Variants in GPBP1 observed in about 807,000 individuals in gnomAD.
The protein encoded by GPBP1 is vasculin.
GPBP1 carries 13 observed loss-of-function variants against 56.5 expected under a neutral mutation model. The ratio of observed to expected loss-of-function variants is 0.23; its 90% CI spans 0.15 to 0.37. The LOEUF is 0.37. Ranked by LOEUF, GPBP1 falls within the 10% of genes least tolerant of loss-of-function variation. GPBP1 has a pLI of 1.00. For missense variants in GPBP1, 477 were observed against 572.3 expected (o/e 0.83, Z 1.70); for synonymous variants, 204 against 188.9 (o/e 1.08, Z -0.66).
At chr5:57,204,385 G>A (rs1268218913) in intron 2 of GPBP1, among the ~76,000 whole-genome samples, 1 of 151,928 alleles carries the variant, frequency 6.6e-6, no homozygotes, top group African/African-American at 2.4e-5. Context: ...GAGTAGCTGG[G>A]ACAACAGGCC....
chr5:57,261,401 C>T, intron 11 of GPBP1, 119 bp downstream of exon 11: 1 of 597,862 alleles, frequency 1.7e-6, no homozygotes, highest in Non-Finnish European at 3.0e-6. Flanking sequence ...GTCAGAATTG[C>T]TTTTAAAAAA....
In GPBP1 at chr5:57,179,383, C is replaced by T. The variant is rs140586372; in HGVS notation, c.-58+2983C>T. On this transcript the variant is annotated intron_variant, in intron 2 of 11. Coordinates refer to ENST00000506184, the MANE Select transcript of GPBP1 (RefSeq NM_022913.4). Reference sequence around the variant, plus strand: ...TGTGTGTTTGAGACAGGGTCTCGCTCTCTCACCCAGATTGGAGTGTAATGG... The same window carrying T: ...TGTGTGTTTGAGACAGGGTCTCGCTTTCTCACCCAGATTGGAGTGTAATGG... 7.2e-5 allele frequency among the ~76,000 whole-genome samples: 11 copies of T among 152,148 alleles called. No homozygotes were observed. The East Asian group carries it at 1.4e-3, about 19-fold the overall frequency.
At chr5:57,185,217 C>A (rs1754230518) in intron 2 of GPBP1, among the ~76,000 whole-genome samples, 1 of 151,612 alleles carries the variant, frequency 6.6e-6, no homozygotes, top group South Asian at 2.1e-4. Flanking sequence ...TATCACCAGC[C>A]CTCTTTAAAA....
intron 2 of GPBP1, among the ~76,000 whole-genome samples, chr5:57,177,488 T>G (rs528086550): frequency 6.6e-6 from 1 of 152,170 alleles, no homozygotes; most frequent in South Asian, 2.1e-4. Flanking sequence ...CTAATTTTTA[T>G]TTGAGACCGA....
At chr5:57,214,326 C>T (rs1207385315) in intron 3 of GPBP1, 133 bp downstream of exon 3, 4 of 751,470 alleles carry the variant, frequency 5.3e-6, no homozygotes, top group African/African-American at 3.4e-5. Flanking sequence ...TGGCTCACCC[C>T]TGTAATCTCA....
At chr5:57,232,232 C>T (rs900336837) in intron 5 of GPBP1, among the ~76,000 whole-genome samples, 1 of 152,136 alleles carries the variant, frequency 6.6e-6, no homozygotes, top group Non-Finnish European at 1.5e-5. Context: ...AAGCAATCCT[C>T]CGACCTCGGC....
chr5:57,242,306 T>C (rs1035682173), intron 6 of GPBP1, among the ~76,000 whole-genome samples: 5 of 152,200 alleles, frequency 3.3e-5, no homozygotes, highest in African/African-American at 1.2e-4. Context: ...CTGTATTGTT[T>C]TCTAATAATT....
At chr5:57,180,557 GA>G (rs1375303938) in intron 2 of GPBP1, among the ~76,000 whole-genome samples, 1 of 152,168 alleles carries the variant, frequency 6.6e-6, no homozygotes, top group Non-Finnish European at 1.5e-5. Context: ...TACTGATGTA[GA>G]AAAAGGGTCA....
At chr5:57,238,988 G>GGT (rs1408210460) in intron 6 of GPBP1, among the ~76,000 whole-genome samples, 1 of 152,158 alleles carries the variant, frequency 6.6e-6, no homozygotes, top group Non-Finnish European at 1.5e-5. Context: ...CATTCAGTGA[G>GGT]GTAAATTATG....
chr5:57,214,781 G>C (rs1022560174), intron 3 of GPBP1, among the ~76,000 whole-genome samples: 1 of 149,554 alleles, frequency 6.7e-6, no homozygotes, highest in African/African-American at 2.4e-5. Flanking sequence ...TCATTCTCCT[G>C]AGTATTTGGG....
At chr5:57,219,521 A>T (rs1177990129) in intron 3 of GPBP1, among the ~76,000 whole-genome samples, 1 of 151,734 alleles carries the variant, frequency 6.6e-6, no homozygotes, top group East Asian at 1.9e-4. Context: ...CTGTTGATTA[A>T]GCCACTGAAA....
chr5:57,208,139 GC>G (rs1755315353), intron 2 of GPBP1, among the ~76,000 whole-genome samples: 1 of 152,132 alleles, frequency 6.6e-6, no homozygotes, highest in Non-Finnish European at 1.5e-5. Flanking sequence ...TCCCTTCCCA[GC>G]GCTTGCCTGC....
At position 57,231,117 on chromosome 5, in the gene GPBP1, A is replaced by G. The variant is rs146098445; in HGVS notation, c.207A>G (p.Glu69=). Residue 69 remains glutamate, a synonymous_variant, in exon 5 of 12, where the codon GAA becomes GAG. Transcript: ENST00000506184. The stretch of plus-strand genomic sequence containing the variant: ...ATAAAGGTAACTTTGGAAGGAAAGA[A>G]AAAAATGGATGGCGTACACATGGAA... ...RPNGGNFGRK[E]KNGWRTHGRN... The G allele has an allele frequency of 4.8e-5, 77 of 1,613,182 alleles. No homozygotes were observed. In the East Asian group the frequency reaches 1.5e-3, roughly 31 times the overall value.
intron 3 of GPBP1, among the ~76,000 whole-genome samples, chr5:57,229,659 C>T (rs537890387): frequency 2.4e-4 from 37 of 152,036 alleles, no homozygotes; most frequent in African/African-American, 8.4e-4. Context: ...CTCAGCCTCC[C>T]GAGTAGCTGG....
At chr5:57,185,029 G>A (rs1018966053) in intron 2 of GPBP1, among the ~76,000 whole-genome samples, 3 of 152,048 alleles carry the variant, frequency 2.0e-5, no homozygotes, top group Non-Finnish European at 2.9e-5. Flanking sequence ...CAGTTCTCTC[G>A]TTCAGAGACA....
intron 5 of GPBP1, among the ~76,000 whole-genome samples, chr5:57,233,176 AAAAT>A (rs969530613): frequency 6.6e-6 from 1 of 152,206 alleles, no homozygotes; most frequent in African/African-American, 2.4e-5. Flanking sequence ...GAGATAAATG[AAAAT>A]AAATAGTTTT....
At position 57,246,289 on chromosome 5, in the gene GPBP1, T is replaced by G; in HGVS notation, c.479-11T>G. 1 of 1,602,828 alleles carries G rather than the reference T, an allele frequency of 6.2e-7. No individual in the cohort carries two copies. Among genetic ancestry groups the G allele is most frequent in the Non-Finnish European group, 8.5e-7 (1 of 1,173,346 alleles). ...TTGTGAGTGACTCTTGGTCATGCTT[T>G]ATTTATGCAGAATATCCTCCGAATC... On this transcript the variant is annotated splice_polypyrimidine_tract_variant and intron_variant, in intron 6 of 11. Transcript: ENST00000506184.
rs1754098582 is a variant in GPBP1 at position 57,182,517 on chromosome 5, C to T, written c.-58+6117C>T. ...CCTCCCGAGTAGCTGGGATTATAGGCGCCTGGCACCATACTTAGCTAATTT... is the reference window on the plus strand; with the variant it reads ...CCTCCCGAGTAGCTGGGATTATAGGTGCCTGGCACCATACTTAGCTAATTT... On this transcript the variant is annotated intron_variant, in intron 2 of 11. Transcript: ENST00000506184. Among the ~76,000 whole-genome samples the T allele has an allele frequency of 1.3e-5, 2 of 151,558 alleles. 1 individual carries two copies. The highest frequency in any genetic ancestry group is 4.2e-4 in the South Asian group (2 of 4,806).
intron 11 of GPBP1, among the ~76,000 whole-genome samples, chr5:57,261,631 A>G (rs1359873799): frequency 6.6e-6 from 1 of 152,196 alleles, no homozygotes; most frequent in Non-Finnish European, 1.5e-5. Flanking sequence ...TCTATGGATT[A>G]GTCATTTTCC....
Sources: allele counts gnomAD v4.1 joint callset (sites outside exome capture counted in the v4.1 genomes callset), GRCh38; gene constraint gnomAD v4.1.1; transcripts MANE v1.5; gene names NCBI Gene and HGNC (gene_info 2026-07-23, HGNC 2026-07-21).